Variants in IL1RAPL2 observed in about 807,000 individuals in gnomAD.
IL1RAPL2 encodes the protein X-linked interleukin-1 receptor accessory protein-like 2.
Under a neutral mutation model 44.1 loss-of-function variants are expected in IL1RAPL2, and 3 were observed. The ratio of observed to expected loss-of-function variants is 0.07; its 90% CI spans 0.03 to 0.18. The LOEUF (loss-of-function observed/expected upper bound fraction) is 0.18, where lower values mean the gene tolerates loss of function less well. Among genes scored for constraint, IL1RAPL2 ranks in the 10% least tolerant of loss-of-function variants. The pLI is 1.00. For missense variants in IL1RAPL2, 391 were observed against 496.4 expected (o/e 0.79, Z 2.02); for synonymous variants, 181 against 178.8 (o/e 1.01, Z -0.10).
intron 2 of IL1RAPL2, among the ~76,000 whole-genome samples, chrX:104,674,533 A>G (rs751834846): frequency 8.9e-5 from 10 of 111,998 alleles, no homozygotes; most frequent in African/African-American, 3.2e-4. Context: ...TTCAATATTC[A>G]TCAAGGATAT....
At chrX:105,564,867 C>T (rs1172224931) in intron 6 of IL1RAPL2, among the ~76,000 whole-genome samples, 1 of 111,717 alleles carries the variant, frequency 9.0e-6, no homozygotes, top group Admixed American at 9.6e-5. Context: ...TTTTTCTTCC[C>T]ACACATGGTC....
intron 2 of IL1RAPL2, among the ~76,000 whole-genome samples, chrX:104,839,278 A>G (rs1348765068): frequency 9.0e-6 from 1 of 111,489 alleles, no homozygotes; most frequent in Non-Finnish European, 1.9e-5. Flanking sequence ...GAGAGTTTTT[A>G]GTATGAAGGG....
chrX:105,161,358 T>C (rs2147595180), intron 2 of IL1RAPL2, among the ~76,000 whole-genome samples: 1 of 110,434 alleles, frequency 9.1e-6, no homozygotes, highest in African/African-American at 3.3e-5. Context: ...GGATTTTTGG[T>C]AACAAGATAT....
At chrX:105,285,043 G>A (rs1009661615) in intron 5 of IL1RAPL2, among the ~76,000 whole-genome samples, 1 of 112,093 alleles carries the variant, frequency 8.9e-6, no homozygotes, top group East Asian at 2.8e-4. Flanking sequence ...CTGTTTCCAA[G>A]CTGAATGCCC....
intron 6 of IL1RAPL2, among the ~76,000 whole-genome samples, chrX:105,632,830 A>T (rs751754298): frequency 1.2e-3 from 132 of 111,938 alleles, no homozygotes; most frequent in African/African-American, 4.2e-3. Context: ...TGGGAAAGTC[A>T]ACATTTAAGA....
intron 2 of IL1RAPL2, among the ~76,000 whole-genome samples, chrX:104,849,613 C>G (rs994463217): frequency 7.3e-5 from 8 of 109,026 alleles, no homozygotes; most frequent in African/African-American, 2.7e-4. Flanking sequence ...ATGAGTTTTA[C>G]AAACAAAGAT....
At chrX:104,862,519 G>A (rs1922520559) in intron 2 of IL1RAPL2, among the ~76,000 whole-genome samples, 1 of 110,187 alleles carries the variant, frequency 9.1e-6, no homozygotes, top group African/African-American at 3.3e-5. Flanking sequence ...GAAAACATAG[G>A]AAAAAGACTT....
At chrX:104,644,392 A>G (rs1189603896) in intron 1 of IL1RAPL2, among the ~76,000 whole-genome samples, 1 of 111,470 alleles carries the variant, frequency 9.0e-6, no homozygotes, top group African/African-American at 3.3e-5. Context: ...CAGCTGTTTC[A>G]CAGAAAATGT....
At chrX:105,722,550 G>T (rs919867482) in intron 7 of IL1RAPL2, among the ~76,000 whole-genome samples, 2 of 111,615 alleles carry the variant, frequency 1.8e-5, no homozygotes, top group African/African-American at 6.5e-5. Flanking sequence ...ACCAAGAGAA[G>T]ATTCACATTT....
chrX:104,761,872 TCTC>T (rs1268857880), intron 2 of IL1RAPL2, among the ~76,000 whole-genome samples: 3 of 45,941 alleles, frequency 6.5e-5, no homozygotes, highest in Non-Finnish European at 1.0e-4. Context: ...TCCTTCTCCT[TCTC>T]CTTCTCCTTC....
intron 2 of IL1RAPL2, among the ~76,000 whole-genome samples, chrX:105,193,083 A>G (rs1397496675): frequency 8.9e-6 from 1 of 112,140 alleles, no homozygotes; most frequent in Non-Finnish European, 1.9e-5. Context: ...AGTACTTACC[A>G]TGTCCCATCA....
At chrX:105,682,799 G>A (rs956941869) in intron 6 of IL1RAPL2, among the ~76,000 whole-genome samples, 1 of 112,055 alleles carries the variant, frequency 8.9e-6, no homozygotes, top group African/African-American at 3.2e-5. Context: ...AAATCTTTGT[G>A]CCATTGCACA....
intron 6 of IL1RAPL2, among the ~76,000 whole-genome samples, chrX:105,620,485 C>T (rs747177244): frequency 9.0e-6 from 1 of 110,683 alleles, no homozygotes; most frequent in African/African-American, 3.3e-5. Flanking sequence ...TGGCTTATCT[C>T]ATTCTAATAA....
intron 1 of IL1RAPL2, among the ~76,000 whole-genome samples, chrX:104,571,948 T>C (rs1928156464): frequency 8.9e-6 from 1 of 112,145 alleles, no homozygotes; most frequent in Admixed American, 9.4e-5. Context: ...TGTTTTATAG[T>C]CTTTTGTTTG....
intron 2 of IL1RAPL2, among the ~76,000 whole-genome samples, chrX:105,028,875 A>G (rs1474086845): frequency 1.8e-5 from 2 of 111,111 alleles, no homozygotes; most frequent in Non-Finnish European, 3.8e-5. Flanking sequence ...GAGACATTCA[A>G]TTTATATATA....
At chrX:104,642,693 G>A (rs1283907660) in intron 1 of IL1RAPL2, among the ~76,000 whole-genome samples, 1 of 110,998 alleles carries the variant, frequency 9.0e-6, no homozygotes, top group Admixed American at 9.6e-5. Flanking sequence ...CACTATGTTG[G>A]CCAGGCTGGC....
intron 2 of IL1RAPL2, among the ~76,000 whole-genome samples, chrX:104,769,896 T>C (rs1208275452): frequency 8.9e-6 from 1 of 112,379 alleles, no homozygotes; most frequent in Non-Finnish European, 1.9e-5. Flanking sequence ...GCCTCAGCTG[T>C]TAACTTGGTG....
intron 2 of IL1RAPL2, among the ~76,000 whole-genome samples, chrX:105,041,418 G>A (rs892208596): frequency 1.8e-4 from 20 of 110,410 alleles, no homozygotes; most frequent in South Asian, 1.2e-3. Context: ...AGCTGAGTTC[G>A]ATTCCTGGGT....
intron 2 of IL1RAPL2, among the ~76,000 whole-genome samples, chrX:105,072,803 C>A (rs2032226113): frequency 9.1e-6 from 1 of 110,237 alleles, no homozygotes; most frequent in Middle Eastern, 4.7e-3. Flanking sequence ...CCTCACTCCC[C>A]AACAGGCCCT....
Sources: allele counts gnomAD v4.1 joint callset (sites outside exome capture counted in the v4.1 genomes callset), GRCh38; gene constraint gnomAD v4.1.1; transcripts MANE v1.5; gene names NCBI Gene and HGNC (gene_info 2026-07-23, HGNC 2026-07-21).